The following RYR1 variants were observed in gnomAD, a reference collection of about 807,000 sequenced individuals.
RYR1 encodes ryanodine receptor 1.
RYR1 carries 342 observed loss-of-function variants against 583.5 expected under a neutral mutation model. The observed-to-expected ratio is 0.59, with a 90% confidence interval of 0.54 to 0.64. The LOEUF is 0.64. Ranked by LOEUF, RYR1 falls within the 30% of genes least tolerant of loss-of-function variation. RYR1 has a pLI of 0.00. For missense variants in RYR1, 6,032 were observed against 6,917.2 expected (o/e 0.87, Z 4.54); for synonymous variants, 2,791 against 2,822.5 (o/e 0.99, Z 0.35).
At chr19:38,453,098 G>T in intron 13 of RYR1, 84 bp downstream of exon 13, 6 of 1,451,576 alleles carry the variant, frequency 4.1e-6, no homozygotes, top group Non-Finnish European at 5.7e-6. Context: ...GCTGGGCGGG[G>T]CAGGGCCTGA....
chr19:38,453,146 C>A, intron 13 of RYR1, 132 bp downstream of exon 13: 1 of 921,950 alleles, frequency 1.1e-6, no homozygotes, highest in Non-Finnish European at 1.6e-6. Context: ...GGGGGCGGGG[C>A]AGGAGAAGGA....
intron 76 of RYR1, among the ~76,000 whole-genome samples, chr19:38,532,044 G>A (rs1971760687): frequency 6.6e-6 from 1 of 152,108 alleles, no homozygotes; most frequent in Non-Finnish European, 1.5e-5. Context: ...AAGCCACCCT[G>A]GCAATGGCCA....
chr19:38,533,850 A>G (rs116226819), intron 78 of RYR1, among the ~76,000 whole-genome samples: 2,308 of 152,124 alleles, frequency 0.015, 56 homozygotes, highest in African/African-American at 0.052. Flanking sequence ...AGTGATGAAC[A>G]TAACTGATAT....
At chr19:38,486,924 C>A (rs1969326829) in intron 34 of RYR1, among the ~76,000 whole-genome samples, 1 of 152,132 alleles carries the variant, frequency 6.6e-6, no homozygotes, top group Non-Finnish European at 1.5e-5. Context: ...TGTTCTCCAC[C>A]CACTCCATTC....
chr19:38,493,509 C>CTT (rs1175677879), intron 38 of RYR1, among the ~76,000 whole-genome samples: 2 of 145,398 alleles, frequency 1.4e-5, no homozygotes, highest in Non-Finnish European at 3.0e-5. Flanking sequence ...TTTTCTTTTT[C>CTT]TTTTTCGTTT....
chr19:38,522,204 G>A (rs1477431783), intron 67 of RYR1, among the ~76,000 whole-genome samples: 1 of 152,140 alleles, frequency 6.6e-6, no homozygotes, highest in East Asian at 1.9e-4. Context: ...TTCTTAATAT[G>A]TAGGTTATAT....
chr19:38,534,391 G>A (rs1272156973), intron 78 of RYR1, among the ~76,000 whole-genome samples: 1 of 152,150 alleles, frequency 6.6e-6, no homozygotes, highest in East Asian at 1.9e-4. Flanking sequence ...ATATAGGAAG[G>A]AAATGCTTCA....
At chr19:38,511,762 C>T in intron 61 of RYR1, 152 bp downstream of exon 61, 1 of 997,106 alleles carries the variant, frequency 1.0e-6, no homozygotes, top group Non-Finnish European at 1.6e-6. Flanking sequence ...GGGGGTAGGG[C>T]AGTGACTGAG....
chr19:38,496,132 A>C lies in RYR1; in HGVS notation c.6549-83A>C. The C allele has an allele frequency of 1.8e-6, 2 of 1,126,102 alleles. No individual in the cohort carries two copies. The highest frequency in any genetic ancestry group is 2.7e-6 in the Non-Finnish European group (2 of 746,414). 69.8% of individuals were successfully genotyped at this position (1,126,102 alleles called of 1,614,324 possible). A position where few individuals can be genotyped will look rare whatever the true frequency, so the allele number is the denominator to read the frequency against. ...CTAGGCACAGAGTGAGAGGGTCAAGAATGCCAACGCTGTCACAGTGGTGGC... is the reference window on the plus strand; with the variant it reads ...CTAGGCACAGAGTGAGAGGGTCAAGCATGCCAACGCTGTCACAGTGGTGGC... On this transcript the variant is annotated intron_variant, in intron 39 of 105. Coordinates refer to ENST00000359596, the MANE Select transcript of RYR1 (RefSeq NM_000540.3). The surrounding 1 kb of genome is among the most constrained non-coding windows in gnomAD (Gnocchi z 4.8).
chr19:38,518,528 C>T (rs1462523639), intron 66 of RYR1, among the ~76,000 whole-genome samples: 2 of 151,884 alleles, frequency 1.3e-5, no homozygotes, highest in Non-Finnish European at 2.9e-5. Context: ...GTAAGAAGCC[C>T]ATTCACAACC....
chr19:38,494,357 C>G lies in RYR1; in HGVS notation c.6280C>G (p.Leu2094Val), dbSNP rs1034775973. ...TTGCATTGTCTCCTTCCCAGGGTCC[C>G]TGCAGGAGCTGGTGTCCCACATGGT... ...RSAEESKPRS[L>V]QELVSHMVVR... Residue 2094 changes from leucine (L) to valine (V), a missense_variant, in exon 39 of 106, where the codon CTG (leucine) becomes GTG (valine). Leu to Val is a conservative substitution (Grantham distance 32). Transcript: ENST00000359596. 1.9e-6 allele frequency: 3 copies of G among 1,611,296 alleles called. No individual in the cohort carries two copies. The highest frequency in any genetic ancestry group is 2.7e-5 in the African/African-American group (2 of 74,854).
intron 89 of RYR1, among the ~76,000 whole-genome samples, chr19:38,549,267 C>G (rs1226876492): frequency 1.3e-5 from 2 of 152,122 alleles, no homozygotes. Context: ...GTTTCCTACT[C>G]TGTAAAATGG....
intron 39 of RYR1, among the ~76,000 whole-genome samples, chr19:38,494,853 CTTT>C (rs1226486711): frequency 3.0e-4 from 38 of 127,396 alleles, no homozygotes; most frequent in African/African-American, 1.1e-3. Context: ...CCACCCCCCC[CTTT>C]TTTTTTTTTT....
At chr19:38,451,987 C>G in intron 12 of RYR1, 102 bp downstream of exon 12, 1 of 1,518,890 alleles carries the variant, frequency 6.6e-7, no homozygotes, top group Admixed American at 1.7e-5. Flanking sequence ...TTGCCCACAC[C>G]CTTGTCTAAC....
rs1346919204 is a variant in RYR1 at position 38,477,822 on chromosome 19, G to A, written c.4406G>A (p.Arg1469Gln). The change falls in exon 30 of 106, where the codon CGG becomes CAG. Residue 1469 changes from arginine (R) to glutamine (Q), a missense_variant. Arg to Gln is a conservative substitution (Grantham distance 43). Around this residue, in one of 11 missense-constraint regions of RYR1, gnomAD observed 2,627 missense variants for 2,961.3 expected, o/e 0.89. Coordinates refer to ENST00000359596, the MANE Select transcript of RYR1 (RefSeq NM_000540.3). ...ATGAGCTTCGACCTCAGCAAGGTCC[G>A]GGTCGTGACGGTGACCATGGGGGAT... is the stretch of plus-strand genomic sequence containing the variant. ...HDMSFDLSKV[R>Q]VVTVTMGDEQ... The A allele has an allele frequency of 5.6e-6, 9 of 1,613,778 alleles. No individual in the cohort carries two copies. The highest frequency in any genetic ancestry group is 2.7e-5 in the African/African-American group (2 of 74,850).
Position 38,496,994 on chromosome 19 carries a change from A to T in RYR1, c.6891+40A>T. The T allele has an allele frequency of 6.4e-7, 1 of 1,561,720 alleles. No homozygotes were observed. The highest frequency in any genetic ancestry group is 8.8e-7 in the Non-Finnish European group (1 of 1,133,806). ...GCTGGGCCCCAGGCCTAAGGGAGGA[A>T]ATCGGGCCGCTACCCGGCTGCTTGG... On this transcript the variant is annotated intron_variant, in intron 42 of 105. Coordinates refer to ENST00000359596, the MANE Select transcript of RYR1 (RefSeq NM_000540.3). This position sits in a 1 kb window ranked among gnomAD's most constrained non-coding sequence, Gnocchi z 4.8.
At chr19:38,516,698 T>C (rs1401414615) in intron 65 of RYR1, among the ~76,000 whole-genome samples, 1 of 151,832 alleles carries the variant, frequency 6.6e-6, no homozygotes, top group Non-Finnish European at 1.5e-5. Context: ...CATAAGAGGA[T>C]TGAGGGAAGG....
intron 102 of RYR1, 111 bp downstream of exon 102, chr19:38,585,210 C>A (rs1372645063): frequency 4.5e-6 from 6 of 1,336,444 alleles, no homozygotes; most frequent in Middle Eastern, 2.4e-4. Flanking sequence ...CTACCTCTCG[C>A]TACTGTGAGA....
chr19:38,483,745 G>T lies in RYR1; in HGVS notation c.4934+229G>T, dbSNP rs149627062. 5.0e-3 allele frequency among the ~76,000 whole-genome samples: 762 copies of T among 152,022 alleles called. 2 individuals are homozygous for T. Among genetic ancestry groups the T allele is most frequent in the African/African-American group, 0.016 (667 of 41,442 alleles). ...TCTACACCATCCCAGTGGACCGCAG[G>T]CCCACCCTAAGGGAACCCAGACAAT... On this transcript the variant is annotated intron_variant, in intron 33 of 105. Transcript: ENST00000359596. The surrounding 1 kb of genome is among the most constrained non-coding windows in gnomAD (Gnocchi z 6.3).
Sources: allele counts gnomAD v4.1 joint callset (sites outside exome capture counted in the v4.1 genomes callset), GRCh38; gene constraint gnomAD v4.1.1; regional missense constraint gnomAD v4.1.1; non-coding constraint Gnocchi (gnomAD v3.1); transcripts MANE v1.5; gene names NCBI Gene and HGNC (gene_info 2026-07-23, HGNC 2026-07-21).